SEM1: variants seen among roughly 807,000 people sequenced by gnomAD.
The protein encoded by SEM1 is SEM1 26S proteasome subunit, also known as 26S proteasome complex subunit SEM1.
SEM1 carries 3 observed loss-of-function variants against 12.7 expected under a neutral mutation model. The ratio of observed to expected loss-of-function variants is 0.24; its 90% CI spans 0.11 to 0.61. SEM1 has a LOEUF of 0.61. Ranked by LOEUF, SEM1 falls within the 20% of genes least tolerant of loss-of-function variation. SEM1 has a pLI of 0.88. For synonymous variants in SEM1, 30 were observed against 27.8 expected (o/e 1.08, Z -0.25); for missense variants, 59 against 81.3 (o/e 0.73, Z 1.06).
At chr7:96,620,698 G>A (rs757010009), downstream of SEM1, among the ~76,000 whole-genome samples, 9 of 152,110 alleles carry the variant, frequency 5.9e-5, no homozygotes, top group African/African-American at 1.7e-4. Context: ...TTCTCTCCTC[G>A]ATGATCTGTT....
At chr7:96,706,198 G>A (rs1214994487) in intron 1 of SEM1, 2 of 152,090 alleles carry the variant, frequency 1.3e-5, no homozygotes, top group Non-Finnish European at 1.5e-5. Flanking sequence ...TAGAATGGGG[G>A]AAAAAATAAA....
intron 2 of SEM1, among the ~76,000 whole-genome samples, chr7:96,561,514 C>G (rs1805690649): frequency 6.6e-6 from 1 of 152,242 alleles, no homozygotes; most frequent in Admixed American, 6.5e-5. Flanking sequence ...CGCCTATAAC[C>G]TGCTGCCGCT....
chr7:96,524,822 T>C (rs1804397575), intron 2 of SEM1, among the ~76,000 whole-genome samples: 1 of 152,150 alleles, frequency 6.6e-6, no homozygotes, highest in African/African-American at 2.4e-5. Context: ...TTGATCTGTA[T>C]TTAAATATCA....
chr7:96,556,906 C>T (rs1199635869), intron 2 of SEM1, among the ~76,000 whole-genome samples: 3 of 142,576 alleles, frequency 2.1e-5, no homozygotes. Flanking sequence ...ATTCTTTTTT[C>T]TCTAAACTTC....
At position 96,630,389 on chromosome 7, in the gene SEM1, G is replaced by A. The variant is rs555139076; in HGVS notation, c.171-7746C>T. 2.2e-4 allele frequency among the ~76,000 whole-genome samples: 33 copies of A among 152,254 alleles called. No individual in the cohort carries two copies. The South Asian group carries it at 6.8e-3, about 32-fold the overall frequency. ...TTCCCACCCCTTTCCAAACAGAGAGGAGCCTCACCCTGTGGCCACACTACC... is the reference window on the plus strand; with the variant it reads ...TTCCCACCCCTTTCCAAACAGAGAGAAGCCTCACCCTGTGGCCACACTACC... On this transcript the variant is annotated intron_variant, in intron 2 of 2. Coordinates refer to the SEM1 transcript ENST00000417009.
intron 2 of SEM1, among the ~76,000 whole-genome samples, chr7:96,512,176 T>G (rs1803955229): frequency 6.6e-6 from 1 of 152,060 alleles, no homozygotes; most frequent in Non-Finnish European, 1.5e-5. Context: ...AGGATCACCA[T>G]TATTTAAGGC....
At chr7:96,630,172 T>G (rs1273443625) in intron 2 of SEM1, among the ~76,000 whole-genome samples, 1 of 152,198 alleles carries the variant, frequency 6.6e-6, no homozygotes, top group Non-Finnish European at 1.5e-5. Context: ...GGCTCTACAC[T>G]TAGCAGGTGG....
chr7:96,602,920 CA>C (rs1258217620), intron 2 of SEM1, among the ~76,000 whole-genome samples: 1 of 151,972 alleles, frequency 6.6e-6, no homozygotes, highest in African/African-American at 2.4e-5. Flanking sequence ...GCAAATAAAT[CA>C]AGGGGAAAAG....
intron 2 of SEM1, among the ~76,000 whole-genome samples, chr7:96,541,944 C>CT (rs34050482): frequency 0.31 from 28,329 of 92,306 alleles, 4,413 homozygotes; most frequent in African/African-American, 0.38. Flanking sequence ...GCCTATGTGT[C>CT]TTTTTTTTTT....
At chr7:96,667,755 T>G (rs1003034699) in intron 2 of SEM1, among the ~76,000 whole-genome samples, 1 of 152,232 alleles carries the variant, frequency 6.6e-6, no homozygotes, top group Non-Finnish European at 1.5e-5. Context: ...TGGCTTTCTT[T>G]AGTCCCAACG....
At chr7:96,527,999 A>C (rs770450902) in intron 2 of SEM1, among the ~76,000 whole-genome samples, 1 of 152,140 alleles carries the variant, frequency 6.6e-6, no homozygotes, top group Non-Finnish European at 1.5e-5. Context: ...AGCTCCTTGC[A>C]GGATGATGTT....
chr7:96,651,744 A>G (rs191140519), intron 2 of SEM1, among the ~76,000 whole-genome samples: 3 of 152,190 alleles, frequency 2.0e-5, no homozygotes, highest in African/African-American at 7.2e-5. Context: ...GCTAATGTTT[A>G]TATTTTTTAG....
At chr7:96,696,730 C>T (rs1471829229) in intron 1 of SEM1, 1 of 151,912 alleles carries the variant, frequency 6.6e-6, no homozygotes, top group Non-Finnish European at 1.5e-5. Context: ...AATAGTATGT[C>T]CAACACTTAC....
At chr7:96,614,476 C>T (rs1279424896) in intron 2 of SEM1, among the ~76,000 whole-genome samples, 1 of 152,232 alleles carries the variant, frequency 6.6e-6, no homozygotes, top group African/African-American at 2.4e-5. Context: ...GATCCATGCA[C>T]TCAGGCAGCA....
chr7:96,632,551 CA>C (rs1290128151), intron 2 of SEM1, among the ~76,000 whole-genome samples: 1 of 151,854 alleles, frequency 6.6e-6, no homozygotes, highest in Non-Finnish European at 1.5e-5. Context: ...TGGGGCCTGT[CA>C]GGGGGTGGCG....
intron 2 of SEM1, among the ~76,000 whole-genome samples, chr7:96,597,863 TTA>T (rs1807053694): frequency 6.6e-6 from 1 of 152,124 alleles, no homozygotes; most frequent in African/African-American, 2.4e-5. Flanking sequence ...TGTGTTTTTC[TTA>T]TATTTCTTTT....
intron 2 of SEM1, among the ~76,000 whole-genome samples, chr7:96,666,283 C>T (rs1283713405): frequency 6.6e-6 from 1 of 152,108 alleles, no homozygotes; most frequent in African/African-American, 2.4e-5. Context: ...TCTCCTCTAG[C>T]CCAGGAAGGA....
At chr7:96,487,803 G>C (rs1802834658) in intron 1 of SEM1, among the ~76,000 whole-genome samples, 1 of 150,076 alleles carries the variant, frequency 6.7e-6, no homozygotes. Flanking sequence ...AACATTCAGA[G>C]TCCTGAGTGC....
At chr7:96,580,072 A>C (rs1223268951) in intron 2 of SEM1, among the ~76,000 whole-genome samples, 3 of 145,764 alleles carry the variant, frequency 2.1e-5, no homozygotes, top group Non-Finnish European at 4.5e-5. Context: ...GCACCCACTA[A>C]CTCGTCATCT....
Sources: allele counts gnomAD v4.1 joint callset (sites outside exome capture counted in the v4.1 genomes callset), GRCh38; gene constraint gnomAD v4.1.1; transcripts MANE v1.5; gene names NCBI Gene and HGNC (gene_info 2026-07-23, HGNC 2026-07-21).